CNBD2: variants seen among roughly 807,000 people sequenced by gnomAD.
The protein encoded by CNBD2 is cyclic nucleotide binding domain containing 2, also known as cyclic nucleotide-binding domain-containing protein 2.
A neutral mutation model predicts 63.7 loss-of-function variants in CNBD2; 64 were observed. The observed-to-expected ratio is 1.00, with a 90% CI of 0.82 to 1.24. The LOEUF is 1.24. Ranked by LOEUF, CNBD2 falls within the 50% of genes most tolerant of loss-of-function variation. The pLI is 0.00. For synonymous variants in CNBD2, 229 were observed against 255.4 expected (o/e 0.90, Z 0.99); for missense variants, 691 against 713.5 (o/e 0.97, Z 0.36).
At chr20:35,997,091 G>A (rs1055233327) in intron 8 of CNBD2, among the ~76,000 whole-genome samples, 1 of 152,162 alleles carries the variant, frequency 6.6e-6, no homozygotes, top group Admixed American at 6.5e-5. Context: ...TCACAGCTCT[G>A]TAATGGCATT....
At chr20:35,968,537 G>C, upstream of CNBD2, 1 of 454,558 alleles carries the variant, frequency 2.2e-6, no homozygotes, top group Non-Finnish European at 4.1e-6. Flanking sequence ...TGTGTCCCCT[G>C]CCTCCAGAAT....
rs541849004 is a variant in CNBD2 at position 35,972,778 on chromosome 20, G to T, written c.189+12G>T. On this transcript the variant is annotated intron_variant, in intron 2 of 11. Coordinates refer to ENST00000373973, the MANE Select transcript of CNBD2 (RefSeq NM_001365709.1). ...TCTCCTTCTGGGATGTAAGCAGTTG[G>T]GCTCAGCAGGATTATGAGGGCTCAA... The T allele has an allele frequency of 6.2e-7, 1 of 1,613,928 alleles. No homozygotes were observed. The highest frequency in any genetic ancestry group is 8.5e-7 in the Non-Finnish European group (1 of 1,179,876).
rs573050277 is a variant in CNBD2, at chr20:35,984,842, T to A, written c.716+64T>A. 4.5e-6 allele frequency: 7 copies of A among 1,542,384 alleles called. No individual in the cohort carries two copies. In the Admixed American group the frequency reaches 1.2e-4, roughly 26 times the overall value. On this transcript the variant is annotated intron_variant, in intron 6 of 11. Transcript: ENST00000373973. ...TGTTTATTAGCTGCCTGACTTTGTCTGTCCTAGGCCTGGTGGGAAACATAC... is the reference window on the plus strand; with the variant it reads ...TGTTTATTAGCTGCCTGACTTTGTCAGTCCTAGGCCTGGTGGGAAACATAC...
At chr20:35,994,360 G>A (rs1447954105) in intron 7 of CNBD2, among the ~76,000 whole-genome samples, 1 of 149,016 alleles carries the variant, frequency 6.7e-6, no homozygotes, top group Non-Finnish European at 1.5e-5. Flanking sequence ...CCACAAGGCC[G>A]GCTTAATTTT....
chr20:35,962,226 G>T (rs771579686), intron 2 of CNBD2, among the ~76,000 whole-genome samples: 1 of 151,360 alleles, frequency 6.6e-6, no homozygotes, highest in African/African-American at 2.4e-5. Flanking sequence ...CAGCTCTCAA[G>T]TGGACAATTC....
intron 10 of CNBD2, among the ~76,000 whole-genome samples, chr20:36,014,723 C>G (rs900896375): frequency 6.6e-6 from 1 of 152,058 alleles, no homozygotes; most frequent in African/African-American, 2.4e-5. Context: ...CCTTGAACTC[C>G]TGGGCCCAAC....
intron 2 of CNBD2, among the ~76,000 whole-genome samples, chr20:35,962,889 T>G (rs894556925): frequency 1.8e-4 from 27 of 152,210 alleles, no homozygotes; most frequent in African/African-American, 6.5e-4. Flanking sequence ...TTCATTACAA[T>G]AATTTGGTAG....
chr20:35,984,807 T>C (rs766714704), intron 6 of CNBD2, 29 bp downstream of exon 6: 8 of 1,611,866 alleles, frequency 5.0e-6, no homozygotes, highest in Non-Finnish European at 3.4e-6. Context: ...AACATTTTTT[T>C]CCCCTTGTGT....
chr20:35,977,307 G>A (rs1420839534), intron 3 of CNBD2, among the ~76,000 whole-genome samples: 4 of 152,134 alleles, frequency 2.6e-5, no homozygotes, highest in South Asian at 2.1e-4. Flanking sequence ...TTATCCTCCC[G>A]TCTCAGCCTT....
upstream of CNBD2, chr20:35,954,411 T>C (rs762818886): frequency 1.3e-4 from 197 of 1,553,540 alleles, no homozygotes; most frequent in Non-Finnish European, 1.5e-4. Flanking sequence ...CTTGAGGGAG[T>C]CGGACTCGGG....
chr20:35,973,814 T>G (rs1793552900), intron 2 of CNBD2: 1 of 152,226 alleles, frequency 6.6e-6, no homozygotes, highest in Non-Finnish European at 1.5e-5. Context: ...GTCACCCTTC[T>G]GCTAACTTGT....
intron 9 of CNBD2, 25 bp from the exon 10 acceptor site, chr20:36,011,112 T>C: frequency 6.7e-7 from 1 of 1,496,364 alleles, no homozygotes; most frequent in Non-Finnish European, 9.0e-7. Context: ...ACAGATGAGC[T>C]CTCTAACAAG....
At position 35,983,991 on chromosome 20, in the gene CNBD2, C is replaced by G; in HGVS notation, c.417C>G (p.Arg139=). The G allele has an allele frequency of 6.2e-7, 1 of 1,614,206 alleles. No individual in the cohort carries two copies. Among genetic ancestry groups the G allele is most frequent in the Non-Finnish European group, 8.5e-7 (1 of 1,180,040 alleles). ...AGTGGTCTTTTCCCAGGTTTGGTCG[C>G]AGGCGTGTGATCATCAAGAAGGGGC... The part of the protein sequence containing the change: ...AKVMRFERFG[R]RRVIIKKGQK... The change falls in exon 5 of 12, where the codon CGC becomes CGG. Residue 139 remains arginine (R), a synonymous_variant. Transcript: ENST00000373973.
chr20:36,009,150 G>A (rs1376085565), intron 9 of CNBD2, among the ~76,000 whole-genome samples: 1 of 151,980 alleles, frequency 6.6e-6, no homozygotes, highest in African/African-American at 2.4e-5. Flanking sequence ...GCAGTGAGCT[G>A]TGATCATGTC....
chr20:35,975,727 A>C, intron 2 of CNBD2, among the ~76,000 whole-genome samples: 1 of 148,788 alleles, frequency 6.7e-6, no homozygotes, highest in Non-Finnish European at 1.5e-5. Context: ...CCACCCCCAT[A>C]TTTCTCTGCC....
intron 10 of CNBD2, among the ~76,000 whole-genome samples, chr20:36,013,646 A>G (rs547545239): frequency 6.6e-6 from 1 of 152,308 alleles, no homozygotes; most frequent in African/African-American, 2.4e-5. Flanking sequence ...GCTGTTTGTC[A>G]TGAAGGTAGG....
chr20:36,025,437 G>C (rs538168375), intron 11 of CNBD2, among the ~76,000 whole-genome samples: 1 of 152,070 alleles, frequency 6.6e-6, no homozygotes, highest in Admixed American at 6.6e-5. Context: ...TGGGCTCAAG[G>C]GATCCTCCCA....
At chr20:36,006,266 G>C (rs1378825659) in intron 8 of CNBD2, among the ~76,000 whole-genome samples, 1 of 151,938 alleles carries the variant, frequency 6.6e-6, no homozygotes, top group East Asian at 2.0e-4. Context: ...CTGACCTCTT[G>C]ATCTGCCCGC....
intron 10 of CNBD2, among the ~76,000 whole-genome samples, chr20:36,011,496 C>A (rs930434654): frequency 6.6e-6 from 1 of 152,046 alleles, no homozygotes; most frequent in African/African-American, 2.4e-5. Context: ...ACCAGCCTGA[C>A]CAACATGGTG....
Sources: allele counts gnomAD v4.1 joint callset (sites outside exome capture counted in the v4.1 genomes callset), GRCh38; gene constraint gnomAD v4.1.1; transcripts MANE v1.5; gene names NCBI Gene and HGNC (gene_info 2026-07-23, HGNC 2026-07-21).